GSE1: variants seen among roughly 807,000 people sequenced by gnomAD.
The protein encoded by GSE1 is genetic suppressor element 1.
GSE1 carries 32 observed loss-of-function variants against 112.6 expected under a neutral mutation model. The observed-to-expected ratio is 0.28, with a 90% CI of 0.21 to 0.38. The LOEUF (loss-of-function observed/expected upper bound fraction) is 0.38, where lower values mean the gene tolerates loss of function less well. Among genes scored for constraint, GSE1 ranks in the 10% least tolerant of loss-of-function variants. GSE1 has a pLI of 1.00. For missense variants in GSE1, 2,348 were observed against 1,699.2 expected (o/e 1.38, Z -6.71); for synonymous variants, 1,115 against 735.6 (o/e 1.52, Z -8.35).
rs1225801343 is a variant in GSE1 at position 85,654,801 on chromosome 16, C to T, written c.607C>T (p.Arg203Trp). 11 of 1,608,796 alleles carry T rather than the reference C, an allele frequency of 6.8e-6. No homozygotes were observed. The highest frequency in any genetic ancestry group is 2.2e-5 in the East Asian group (1 of 44,816). Residue 203 changes from arginine to tryptophan, a missense_variant, in exon 5 of 16, where the codon CGG (arginine) becomes TGG (tryptophan). Arg to Trp is a moderately radical substitution (Grantham distance 101, BLOSUM62 -3). Coordinates refer to ENST00000253458, the MANE Select transcript of GSE1 (RefSeq NM_014615.5). ...CACTATCCCCGCCTGCAGCCTCCAG[C>T]GGCCCGTGCACCACGTGGTGCCCCC... ...DSRFPPLNLQRPVHHVVPPST... is the reference protein window; with the variant it reads ...DSRFPPLNLQWPVHHVVPPST...
chr16:85,611,208 T>G (rs964156482), upstream of GSE1, among the ~76,000 whole-genome samples: 9 of 152,154 alleles, frequency 5.9e-5, no homozygotes, highest in Non-Finnish European at 1.0e-4. Flanking sequence ...GGAGGTGAAT[T>G]TTGTTTTTAA....
At position 85,425,282 on chromosome 16, in the gene GSE1, A is replaced by G. The variant is rs182578709; in HGVS notation, c.2464+67639A>G. Among the ~76,000 whole-genome samples the G allele has an allele frequency of 5.4e-5, 4 of 74,724 alleles. No homozygotes were observed. The East Asian group carries it at 1.3e-3, about 25-fold the overall frequency. 49.0% of individuals were successfully genotyped at this position (74,724 alleles called of 152,430 possible). A position where few individuals can be genotyped will look rare whatever the true frequency, so the allele number is the denominator to read the frequency against. On this transcript the variant is annotated intron_variant, in intron 2 of 2. Transcript: ENST00000637419. The stretch of plus-strand genomic sequence containing the variant: ...CTGCTGAGCAGGTGCTGGAGGACCC[A>G]GAAGGCAGGAGGGGATGCACGGGTG...
In GSE1 at chr16:85,488,128, C is replaced by T. The variant is rs376093854; in HGVS notation, c.2464+130485C>T. On this transcript the variant is annotated intron_variant, in intron 2 of 2. Coordinates refer to the GSE1 transcript ENST00000637419. ...CTTCCCTCTGCAGCCAGGAAGGAAG[C>T]GGAGGAAAACCCGAGTGATGGGGTT... 1.5e-4 allele frequency among the ~76,000 whole-genome samples: 23 copies of T among 152,284 alleles called. No individual in the cohort carries two copies. The East Asian group carries it at 1.9e-3, about 13-fold the overall frequency.
At chr16:85,172,503 C>G in intron 1 of GSE1, among the ~76,000 whole-genome samples, 1 of 152,228 alleles carries the variant, frequency 6.6e-6, no homozygotes, top group East Asian at 1.9e-4. Context: ...TGCCTTCCTG[C>G]TGCCCGCCCG....
intron 1 of GSE1, among the ~76,000 whole-genome samples, chr16:85,192,059 C>T (rs2074834649): frequency 6.6e-6 from 1 of 152,206 alleles, no homozygotes; most frequent in African/African-American, 2.4e-5. Flanking sequence ...TGAAAATGAC[C>T]TAAGTTCCGC....
At chr16:85,215,873 G>A (rs2075299797) in intron 1 of GSE1, among the ~76,000 whole-genome samples, 1 of 152,140 alleles carries the variant, frequency 6.6e-6, no homozygotes, top group Non-Finnish European at 1.5e-5. Flanking sequence ...TGCTTCTGTT[G>A]CAGAACAGGA....
At chr16:85,453,931 C>G (rs1024435915) in intron 2 of GSE1, among the ~76,000 whole-genome samples, 2 of 152,126 alleles carry the variant, frequency 1.3e-5, no homozygotes, top group Admixed American at 6.5e-5. Context: ...CACCTGCACA[C>G]AGCACCCCCT....
At position 85,661,562 on chromosome 16, in the gene GSE1, T is replaced by C. The variant is rs1198679961; in HGVS notation, c.2057T>C (p.Leu686Pro). 3 of 1,611,356 alleles carry C rather than the reference T, an allele frequency of 1.9e-6. No individual in the cohort carries two copies. The highest frequency in any genetic ancestry group is 1.3e-5 in the African/African-American group (1 of 74,890). The change falls in exon 9 of 16, where the codon CTG (leucine) becomes CCG (proline). Residue 686 changes from leucine to proline, a missense_variant. By Grantham distance (98) the Leu-to-Pro change is moderately conservative (BLOSUM62 -3). Coordinates refer to ENST00000253458, the MANE Select transcript of GSE1 (RefSeq NM_014615.5). ...AELEKSTQTI[L>P]GQQRASLPQA... Reference sequence around the variant, plus strand: ...CTCGAGAAGTCCACCCAGACCATCCTGGGCCAGCAGCGGGCCTCCCTCCCA... The same window carrying C: ...CTCGAGAAGTCCACCCAGACCATCCCGGGCCAGCAGCGGGCCTCCCTCCCA...
chr16:85,254,119 G>T (rs1906811095), intron 1 of GSE1, among the ~76,000 whole-genome samples: 1 of 152,210 alleles, frequency 6.6e-6, no homozygotes, highest in African/African-American at 2.4e-5. Context: ...CATGTGCCAG[G>T]CAGCAGCTCA....
chr16:85,383,978 G>A (rs900114506), intron 2 of GSE1, among the ~76,000 whole-genome samples: 1 of 152,298 alleles, frequency 6.6e-6, no homozygotes, highest in South Asian at 2.1e-4. Flanking sequence ...CGCCACCCCT[G>A]ACTGCTTCAA....
intron 2 of GSE1, among the ~76,000 whole-genome samples, chr16:85,544,253 C>T (rs781666550): frequency 1.3e-5 from 2 of 152,202 alleles, no homozygotes; most frequent in African/African-American, 2.4e-5. Context: ...AAGAATCATC[C>T]GGCCCCCAGT....
chr16:85,568,092 G>A (rs2045835354), intron 1 of GSE1, among the ~76,000 whole-genome samples: 1 of 152,176 alleles, frequency 6.6e-6, no homozygotes. Context: ...AGATGCAATT[G>A]ATGTTTCCTC....
intron 1 of GSE1, among the ~76,000 whole-genome samples, chr16:85,238,781 A>C (rs1904931793): frequency 6.6e-6 from 1 of 152,070 alleles, no homozygotes; most frequent in Non-Finnish European, 1.5e-5. Flanking sequence ...TGTTCTTTCC[A>C]CTGCCACCAA....
At chr16:85,590,214 ATG>A (rs1372677910) in intron 1 of GSE1, among the ~76,000 whole-genome samples, 1 of 151,870 alleles carries the variant, frequency 6.6e-6, no homozygotes, top group Non-Finnish European at 1.5e-5. Flanking sequence ...TTGTGTGAAC[ATG>A]TGTGACCTTG....
At chr16:85,277,735 C>T (rs936656777) in intron 1 of GSE1, among the ~76,000 whole-genome samples, 4 of 152,234 alleles carry the variant, frequency 2.6e-5, no homozygotes, top group African/African-American at 9.6e-5. Flanking sequence ...TGCTTTATGT[C>T]CATTTCCAAC....
At chr16:85,330,350 G>T (rs1444458024) in intron 1 of GSE1, among the ~76,000 whole-genome samples, 6 of 152,228 alleles carry the variant, frequency 3.9e-5, no homozygotes, top group Non-Finnish European at 7.3e-5. Context: ...GCCAAGGAAC[G>T]CAGGGGCCTG....
chr16:85,576,884 A>G (rs1183950724), intron 1 of GSE1, among the ~76,000 whole-genome samples: 1 of 152,150 alleles, frequency 6.6e-6, no homozygotes, highest in Non-Finnish European at 1.5e-5. Context: ...CTGGGCTCTC[A>G]CAGCTTCTCC....
chr16:85,286,812 G>T (rs1430905465), intron 1 of GSE1, among the ~76,000 whole-genome samples: 1 of 152,168 alleles, frequency 6.6e-6, no homozygotes, highest in Non-Finnish European at 1.5e-5. Flanking sequence ...TCAGCGAGTG[G>T]GATGTTTTCT....
intron 1 of GSE1, among the ~76,000 whole-genome samples, chr16:85,257,026 G>A (rs1006254786): frequency 1.4e-4 from 20 of 142,096 alleles, no homozygotes; most frequent in Non-Finnish European, 2.7e-4. Flanking sequence ...GAGTCTTTGG[G>A]TGGGGAGGAC....
Sources: allele counts gnomAD v4.1 joint callset (sites outside exome capture counted in the v4.1 genomes callset), GRCh38; gene constraint gnomAD v4.1.1; transcripts MANE v1.5; gene names NCBI Gene and HGNC (gene_info 2026-07-23, HGNC 2026-07-21).